Variants in GBP3 observed in about 807,000 individuals in gnomAD.
GBP3 encodes the protein guanylate binding protein 3.
GBP3 carries 55 observed loss-of-function variants against 62.4 expected under a neutral mutation model. The ratio of observed to expected loss-of-function variants is 0.88; its 90% confidence interval spans 0.71 to 1.10. GBP3 has a LOEUF of 1.10. GBP3 is among the 50% of genes least tolerant of loss of function. The pLI, the probability that GBP3 is intolerant of heterozygous loss-of-function variation, is 0.00. For missense variants in GBP3, 605 were observed against 690.6 expected (o/e 0.88, Z 1.39); for synonymous variants, 208 against 259.2 (o/e 0.80, Z 1.90).
At chr1:89,010,855 A>G in intron 8 of GBP3, 49 bp downstream of exon 8, 1 of 1,460,804 alleles carries the variant, frequency 6.8e-7, no homozygotes, top group Non-Finnish European at 9.5e-7. Context: ...TGGTGTTCGT[A>G]GGAGGTAGGT....
At position 89,009,121 on chromosome 1, in the gene GBP3, T is replaced by G. The variant is rs1180087437; in HGVS notation, c.1485A>C (p.Glu495Asp). The change falls in exon 10 of 11, where the codon GAA (glutamate) becomes GAC (aspartate). Residue 495 changes from glutamate to aspartate, a missense_variant. This residue lies in a region of GBP3 where 160 missense variants were observed against 147.8 expected (regional missense o/e 1.08). Transcript: ENST00000370481. ...CCATTTTTGCTGAAGCCTGTGCAGA[T>G]TCAGCTTTTACACATTCCACTGTGG... ...KEIEVECVKA[E>D]SAQASAKMVE... 9.9e-6 allele frequency: 16 copies of G among 1,614,066 alleles called. No individual in the cohort carries two copies. Among genetic ancestry groups the G allele is most frequent in the Non-Finnish European group, 1.4e-5 (16 of 1,180,022 alleles).
At chr1:89,014,321 C>T in intron 4 of GBP3, 42 bp from the exon 5 acceptor site, 5 of 1,613,630 alleles carry the variant, frequency 3.1e-6, no homozygotes, top group Non-Finnish European at 4.2e-6. Context: ...TGAACAGGAA[C>T]CTCATCCCAT....
At chr1:89,008,117 C>A (rs940659277) in intron 10 of GBP3, among the ~76,000 whole-genome samples, 2 of 151,840 alleles carry the variant, frequency 1.3e-5, no homozygotes, top group African/African-American at 4.8e-5. Flanking sequence ...TTATACAAAA[C>A]CTTTGTGGGA....
chr1:89,009,795 G>C (rs914844974), intron 8 of GBP3, among the ~76,000 whole-genome samples: 7 of 152,158 alleles, frequency 4.6e-5, no homozygotes, highest in Non-Finnish European at 8.8e-5. Context: ...GCTGACTGGA[G>C]AATGAAGCCC....
chr1:89,010,651 A>ATCTGCCTGCC lies in GBP3; in HGVS notation c.1362+243_1362+252dup, dbSNP rs1678504370. Among the ~76,000 whole-genome samples, 3 of 138,270 alleles carry ATCTGCCTGCC rather than the reference A, an allele frequency of 2.2e-5. 1 individual carries two copies. The allele number at this position is 138,270 out of a possible 152,430, so 90.7% of individuals were successfully genotyped here. Reference sequence around the variant, plus strand: ...GGTCTTAAACTCCTGAGCTCAAGCAATCTGCCTGCCTCTGCCCTCAAAGTG... The same window carrying ATCTGCCTGCC: ...GGTCTTAAACTCCTGAGCTCAAGCAATCTGCCTGCCTCTGCCTGCCTCTGCCCTCAAAGTG... On this transcript the variant is annotated intron_variant, in intron 8 of 10. Coordinates refer to ENST00000370481, the MANE Select transcript of GBP3 (RefSeq NM_018284.3).
rs372412114 is a variant in GBP3 at position 89,011,223 on chromosome 1, G to A, written c.1150-107C>T. 21 of 1,320,384 alleles carry A rather than the reference G, an allele frequency of 1.6e-5. 4 individuals carry two copies. Among genetic ancestry groups the A allele is most frequent in the East Asian group, 4.9e-5 (2 of 40,784 alleles). 81.8% of individuals were successfully genotyped at this position (1,320,384 alleles called of 1,614,324 possible). A position where few individuals can be genotyped will look rare whatever the true frequency, so the allele number is the denominator to read the frequency against. On this transcript the variant is annotated intron_variant, in intron 7 of 10. Transcript: ENST00000370481. ...AAAATAAACAGTCAATGATGCCGGA[G>A]AAACTGACAGACTCCTCAGCAGGAC...
rs1291449298 is a variant in GBP3 at position 89,014,240 on chromosome 1, G to C, written c.468C>G (p.Ser156=). The C allele has an allele frequency of 6.2e-7, 1 of 1,614,182 alleles. No homozygotes were observed. The highest frequency in any genetic ancestry group is 8.5e-7 in the Non-Finnish European group (1 of 1,180,030). The stretch of plus-strand genomic sequence containing the variant: ...CCTCATTCTCATTCTCATCAGGTGA[G>C]GATTTTGATCGGATTCGATGTGTCA... ...TELTHRIRSK[S]SPDENENEDS... Residue 156 remains serine, a synonymous_variant, in exon 5 of 11, where the codon TCC becomes TCG. Transcript: ENST00000370481.
Position 89,011,107 on chromosome 1 carries a change from C to G in GBP3, c.1159G>C (p.Asp387His), listed in dbSNP as rs1183218088. 2 of 1,461,804 alleles carry G rather than the reference C, an allele frequency of 1.4e-6. No homozygotes were observed. Among genetic ancestry groups the G allele is most frequent in the Admixed American group, 3.6e-5 (2 of 55,972 alleles). 90.6% of individuals were successfully genotyped at this position (1,461,804 alleles called of 1,614,324 possible). The stretch of plus-strand genomic sequence containing the variant: ...TTACAAAAGTCATCCCGCTTTTTGT[C>G]TAGCTGGGCCTTTAATGTAAAAATA... ...LFQKKLAAQL[D>H]KKRDDFCKQN... The change falls in exon 8 of 11, where the codon GAC becomes CAC. Residue 387 changes from aspartate (D) to histidine (H), a missense_variant. Coordinates refer to ENST00000370481, the MANE Select transcript of GBP3 (RefSeq NM_018284.3).
chr1:89,015,489 C>T, intron 2 of GBP3, 75 bp from the exon 3 acceptor site: 1 of 1,414,650 alleles, frequency 7.1e-7, no homozygotes, highest in Non-Finnish European at 9.7e-7. Flanking sequence ...GCAAATGTAG[C>T]ATCATGATTA....
rs368021908 is a variant in GBP3 at position 89,022,810 on chromosome 1, A to G, written c.-149T>C. 2 of 152,210 alleles carry G rather than the reference A, an allele frequency of 1.3e-5. No homozygotes were observed. The highest frequency in any genetic ancestry group is 3.8e-4 in the East Asian group (2 of 5,200). The allele number at this position is 152,210 out of a possible 1,614,324, so 9.4% of individuals were successfully genotyped here. On this transcript the variant is annotated 5_prime_UTR_variant, in exon 1 of 11. Transcript: ENST00000370481. ...TTTCTGGATTTTCCTCAGTGATCAA[A>G]TAATTAGAAGTTAAGCAACCTTTGT...
intron 10 of GBP3, among the ~76,000 whole-genome samples, chr1:89,008,338 C>T (rs148997567): frequency 2.6e-4 from 39 of 150,854 alleles, no homozygotes; most frequent in African/African-American, 5.6e-4. Flanking sequence ...CAAGGAAATC[C>T]GAGTGCCAGA....
intron 5 of GBP3, chr1:89,013,732 TG>T: frequency 2.5e-6 from 1 of 403,844 alleles, no homozygotes; most frequent in South Asian, 3.6e-5. Flanking sequence ...AAATATCCAT[TG>T]TCCTTCATAT....
At chr1:89,021,854 C>CAGACAAGGGAGATGTG (rs1679253396) in intron 1 of GBP3, among the ~76,000 whole-genome samples, 1 of 133,634 alleles carries the variant, frequency 7.5e-6, no homozygotes, top group Admixed American at 7.7e-5. Flanking sequence ...AGGGAGATGT[C>CAGACAAGGGAGATGTG]AGACAAGGTG....
chr1:89,012,932 G>A (rs1678650490), intron 6 of GBP3, among the ~76,000 whole-genome samples: 1 of 148,042 alleles, frequency 6.8e-6, no homozygotes, highest in Non-Finnish European at 1.5e-5. Context: ...CTGCCTCCCA[G>A]GTTCAAGCAA....
At position 89,020,582 on chromosome 1, in the gene GBP3, T is replaced by C. The variant is rs1679132277; in HGVS notation, c.140A>G (p.Tyr47Cys). Reference sequence around the variant, plus strand: ...CATCAGGTAGGATTTTCCTGTGCGGTAGAGGCCCACAATTGCCACCACCAC... The same window carrying C: ...CATCAGGTAGGATTTTCCTGTGCGGCAGAGGCCCACAATTGCCACCACCAC... ...PVVVVAIVGL[Y>C]RTGKSYLMNK... The change falls in exon 2 of 11, where the codon TAC becomes TGC. Residue 47 changes from tyrosine to cysteine, a missense_variant. This residue lies in a region of GBP3 where 308 missense variants were observed against 318.0 expected (regional missense o/e 0.97). Transcript: ENST00000370481. 6.2e-7 allele frequency: 1 copy of C among 1,614,164 alleles called. No individual in the cohort carries two copies.
Position 89,021,510 on chromosome 1 carries a change from GCACACACACA to G in GBP3, c.-22-777_-22-768del, listed in dbSNP as rs1553178198. On this transcript the variant is annotated intron_variant, in intron 1 of 10. Transcript: ENST00000370481. ...CTAAGAAACACGCATGCGCGCGCGC[GCACACACACA>G]CACACACACACACACACACACACAC... Among the ~76,000 whole-genome samples, 4 of 131,738 alleles carry G rather than the reference GCACACACACA, an allele frequency of 3.0e-5. No homozygotes were observed. The East Asian group carries it at 9.3e-4, about 31-fold the overall frequency. The allele number at this position is 131,738 out of a possible 152,430, so 86.4% of individuals were successfully genotyped here.
rs1678544669 is a variant in GBP3 at position 89,011,110 on chromosome 1, G to C, written c.1156C>G (p.Leu386Val). ...CAAAAGTCATCCCGCTTTTTGTCTA[G>C]CTGGGCCTTTAATGTAAAAATAGGA... ...HLFQKKLAAQ[L>V]DKKRDDFCKQ... The change falls in exon 8 of 11, where the codon CTA becomes GTA. Residue 386 changes from leucine to valine, a missense_variant. Around this residue, in one of 3 missense-constraint regions of GBP3, gnomAD observed 137 missense variants for 224.7 expected, o/e 0.61. Transcript: ENST00000370481. The C allele has an allele frequency of 1.4e-6, 2 of 1,461,678 alleles. No homozygotes were observed. Among genetic ancestry groups the C allele is most frequent in the Non-Finnish European group, 9.5e-7 (1 of 1,054,976 alleles). The allele number at this position is 1,461,678 out of a possible 1,614,324, so 90.5% of individuals were successfully genotyped here. A position where few individuals can be genotyped will look rare whatever the true frequency, so the allele number is the denominator to read the frequency against.
At position 89,012,154 on chromosome 1, in the gene GBP3, G is replaced by A; in HGVS notation, c.869-127C>T. On this transcript the variant is annotated intron_variant, in intron 6 of 10. Transcript: ENST00000370481. ...TCAAGGTCCTCAGAATCATCTGGAA[G>A]CTTGCTGGAAATGCCTATTGTTAGC... is the stretch of plus-strand genomic sequence containing the variant. 2 of 981,908 alleles carry A rather than the reference G, an allele frequency of 2.0e-6. 1 individual carries two copies. Among genetic ancestry groups the A allele is most frequent in the Non-Finnish European group, 3.0e-6 (2 of 670,474 alleles). 60.8% of individuals were successfully genotyped at this position (981,908 alleles called of 1,614,324 possible). A position where few individuals can be genotyped will look rare whatever the true frequency, so the allele number is the denominator to read the frequency against.
At chr1:89,017,619 A>G (rs1678955131) in intron 2 of GBP3, among the ~76,000 whole-genome samples, 1 of 152,242 alleles carries the variant, frequency 6.6e-6, no homozygotes, top group South Asian at 2.1e-4. Flanking sequence ...CTACAATGCA[A>G]CACAAACAGA....
Sources: allele counts gnomAD v4.1 joint callset (sites outside exome capture counted in the v4.1 genomes callset), GRCh38; gene constraint gnomAD v4.1.1; regional missense constraint gnomAD v4.1.1; transcripts MANE v1.5; gene names NCBI Gene and HGNC (gene_info 2026-07-23, HGNC 2026-07-21).